USP15: variants seen among roughly 807,000 people sequenced by gnomAD.
USP15 encodes ubiquitin specific peptidase 15, also known as ubiquitin carboxyl-terminal hydrolase 15.
A neutral mutation model predicts 127.1 loss-of-function variants in USP15; 18 were observed. The ratio of observed to expected loss-of-function variants is 0.14; its 90% CI spans 0.10 to 0.21. The LOEUF (loss-of-function observed/expected upper bound fraction) is 0.21, where lower values mean the gene tolerates loss of function less well. USP15 is among the 10% of genes least tolerant of loss of function. The probability of loss-of-function intolerance (pLI) is 1.00; values close to 1 mark genes in which losing one functional copy is unlikely to be tolerated. For missense variants in USP15, 805 were observed against 1,159.9 expected (o/e 0.69, Z 4.44); for synonymous variants, 364 against 393.7 (o/e 0.92, Z 0.89).
intron 8 of USP15, among the ~76,000 whole-genome samples, chr12:62,369,131 T>C (rs1030434000): frequency 6.6e-5 from 10 of 152,204 alleles, no homozygotes; most frequent in East Asian, 3.8e-4. Context: ...TAATATGTTA[T>C]ATAATAGAAA....
intron 9 of USP15, 32 bp from the exon 10 acceptor site, chr12:62,383,808 G>A (rs767972571): frequency 6.9e-6 from 11 of 1,603,320 alleles, no homozygotes; most frequent in South Asian, 5.6e-5. Context: ...CCTGTTCCTA[G>A]AACTGATTTG....
intron 19 of USP15, among the ~76,000 whole-genome samples, chr12:62,396,083 A>T (rs376360278): frequency 6.6e-6 from 1 of 152,092 alleles, no homozygotes; most frequent in African/African-American, 2.4e-5. Flanking sequence ...TTGCCAAAAC[A>T]TTAATATCTC....
At position 62,335,062 on chromosome 12, in the gene USP15, T is replaced by TA. The variant is rs748310033; in HGVS notation, c.683+9130dup. On this transcript the variant is annotated intron_variant, in intron 6 of 21. Transcript: ENST00000280377. ...TTTTCTGTCTGAGGGCACGATATGTTACACCTAGCCCAAACTGGCCAAAAT... is the reference window on the plus strand; with the variant it reads ...TTTTCTGTCTGAGGGCACGATATGTTAACACCTAGCCCAAACTGGCCAAAAT... 5 of 1,099,634 alleles carry TA rather than the reference T, an allele frequency of 4.5e-6. No individual in the cohort carries two copies. In the South Asian group the frequency reaches 7.0e-5, roughly 15 times the overall value. The allele number at this position is 1,099,634 out of a possible 1,614,324, so 68.1% of individuals were successfully genotyped here. A position where few individuals can be genotyped will look rare whatever the true frequency, so the allele number is the denominator to read the frequency against.
chr12:62,265,891 G>A (rs1235317635), intron 1 of USP15, among the ~76,000 whole-genome samples: 1 of 152,082 alleles, frequency 6.6e-6, no homozygotes, highest in Non-Finnish European at 1.5e-5. Context: ...TTAAAAAGTA[G>A]ATTCACTTTA....
chr12:62,326,133 T>C (rs1383865953), intron 6 of USP15, among the ~76,000 whole-genome samples, 200 bp downstream of exon 6: 1 of 152,188 alleles, frequency 6.6e-6, no homozygotes. Context: ...AAGCCTCCAA[T>C]TCAAATATCT....
chr12:62,335,101 G>A, intron 6 of USP15: 3 of 1,493,646 alleles, frequency 2.0e-6, no homozygotes, highest in Non-Finnish European at 2.7e-6. Context: ...TTTAATTCTA[G>A]GTAAGTGGTT....
chr12:62,379,201 CA>C lies in USP15; in HGVS notation c.916-2274del, dbSNP rs59155021. 8.6e-4 allele frequency among the ~76,000 whole-genome samples: 116 copies of C among 134,676 alleles called. 1 individual carries two copies. The highest frequency in any genetic ancestry group is 1.6e-3 in the Admixed American group (21 of 13,430). 88.4% of individuals were successfully genotyped at this position (134,676 alleles called of 152,430 possible). ...ATGGATTTATAGAAGTTAGTAAGGCCAAAAAAAAAAAAAAAGTACATTTCCA... is the reference window on the plus strand; with the variant it reads ...ATGGATTTATAGAAGTTAGTAAGGCCAAAAAAAAAAAAAAGTACATTTCCA... On this transcript the variant is annotated intron_variant, in intron 8 of 21. Coordinates refer to ENST00000280377, the MANE Select transcript of USP15 (RefSeq NM_001252078.2).
intron 6 of USP15, among the ~76,000 whole-genome samples, chr12:62,329,017 T>C (rs1165597011): frequency 1.3e-5 from 2 of 152,220 alleles, no homozygotes; most frequent in Non-Finnish European, 2.9e-5. Flanking sequence ...AAAGGCTAAC[T>C]CTTGAAGGAT....
At chr12:62,356,899 C>T (rs1035739358) in intron 8 of USP15, among the ~76,000 whole-genome samples, 6 of 151,862 alleles carry the variant, frequency 4.0e-5, no homozygotes, top group Non-Finnish European at 7.4e-5. Context: ...TCTGTTGGAC[C>T]ATCTCTGGAA....
intron 8 of USP15, among the ~76,000 whole-genome samples, chr12:62,358,264 A>G (rs143280157): frequency 6.6e-6 from 1 of 152,328 alleles, no homozygotes; most frequent in Non-Finnish European, 1.5e-5. Flanking sequence ...ACACATGATT[A>G]AAAACTAAGC....
At chr12:62,369,890 A>C (rs1315440921) in intron 8 of USP15, among the ~76,000 whole-genome samples, 2 of 152,138 alleles carry the variant, frequency 1.3e-5, no homozygotes, top group African/African-American at 4.8e-5. Flanking sequence ...ACATACCAAA[A>C]ATATATGTGT....
intron 6 of USP15, among the ~76,000 whole-genome samples, chr12:62,344,122 A>AC (rs1373176472): frequency 6.6e-6 from 1 of 152,128 alleles, no homozygotes; most frequent in Non-Finnish European, 1.5e-5. Context: ...GTCTCAACTC[A>AC]TTTCAGCATT....
At position 62,404,384 on chromosome 12, in the gene USP15, C is replaced by T. The variant is rs771485750; in HGVS notation, c.*9C>T. 1 of 1,576,758 alleles carries T rather than the reference C, an allele frequency of 6.3e-7. No homozygotes were observed. Among genetic ancestry groups the T allele is most frequent in the African/African-American group, 1.4e-5 (1 of 73,248 alleles). ...GTATGCACACTAACTAATGAAAGTCCTAGAAGCCATAAAAGAGACACTTTC... is the reference window on the plus strand; with the variant it reads ...GTATGCACACTAACTAATGAAAGTCTTAGAAGCCATAAAAGAGACACTTTC... On this transcript the variant is annotated 3_prime_UTR_variant, in exon 22 of 22. Transcript: ENST00000280377.
At chr12:62,338,104 A>G (rs550060648) in intron 6 of USP15, among the ~76,000 whole-genome samples, 2 of 152,330 alleles carry the variant, frequency 1.3e-5, no homozygotes, top group East Asian at 3.9e-4. Flanking sequence ...CCAGTAGTGT[A>G]AAAGCATTCC....
At chr12:62,369,465 G>GT (rs34913772) in intron 8 of USP15, among the ~76,000 whole-genome samples, 38,242 of 148,086 alleles carry the variant, frequency 0.26, 5,031 homozygotes, top group Admixed American at 0.26. Flanking sequence ...ATGCCAACTG[G>GT]TTTTTTTTTT....
chr12:62,316,945 A>G (rs968497710), intron 4 of USP15, among the ~76,000 whole-genome samples: 4 of 152,168 alleles, frequency 2.6e-5, no homozygotes, highest in African/African-American at 9.7e-5. Flanking sequence ...TATGTACTTT[A>G]ACATTATATA....
chr12:62,329,975 G>A lies in USP15; in HGVS notation c.683+4042G>A, dbSNP rs548045667. On this transcript the variant is annotated intron_variant, in intron 6 of 21. Coordinates refer to ENST00000280377, the MANE Select transcript of USP15 (RefSeq NM_001252078.2). ...TAGCTGCATAGTTTGTAGTAGTGGGGATTTGGAGATAGCCTAGCTAAATAT... is the reference window on the plus strand; with the variant it reads ...TAGCTGCATAGTTTGTAGTAGTGGGAATTTGGAGATAGCCTAGCTAAATAT... Among the ~76,000 whole-genome samples the A allele has an allele frequency of 2.6e-5, 4 of 152,242 alleles. No individual in the cohort carries two copies. The East Asian group carries it at 7.7e-4, about 29-fold the overall frequency.
At chr12:62,375,871 A>G (rs574481913) in intron 8 of USP15, among the ~76,000 whole-genome samples, 1 of 152,296 alleles carries the variant, frequency 6.6e-6, no homozygotes, top group South Asian at 2.1e-4. Flanking sequence ...TCACTAAATA[A>G]TTGTCTTGCA....
chr12:62,315,535 A>C (rs1339054447), intron 4 of USP15, among the ~76,000 whole-genome samples: 1 of 152,192 alleles, frequency 6.6e-6, no homozygotes, highest in African/African-American at 2.4e-5. Context: ...TAAAAATTAC[A>C]TGGTTTTTGT....
Sources: gnomAD v4.1 joint callset for allele counts (sites outside exome capture counted in the v4.1 genomes callset) on GRCh38, gnomAD v4.1.1 for gene constraint, MANE v1.5 for transcripts, NCBI Gene and HGNC (gene_info 2026-07-23, HGNC 2026-07-21) for gene names.